MROH9: variants seen among roughly 807,000 people sequenced by gnomAD.
The protein encoded by MROH9 is maestro heat-like repeat-containing protein family member 9.
A neutral mutation model predicts 98.2 loss-of-function variants in MROH9; 92 were observed. The ratio of observed to expected loss-of-function variants is 0.94; its 90% confidence interval spans 0.79 to 1.11. The LOEUF (loss-of-function observed/expected upper bound fraction) is 1.11, where lower values mean the gene tolerates loss of function less well. MROH9 is among the 50% of genes most tolerant of loss of function. The pLI is 0.00. For synonymous variants in MROH9, 397 were observed against 368.9 expected (o/e 1.08, Z -0.87); for missense variants, 1,057 against 1,014.8 (o/e 1.04, Z -0.57).
rs759499575 is a variant in MROH9 at position 170,986,546 on chromosome 1, C to A, written c.730-15C>A. The stretch of plus-strand genomic sequence containing the variant: ...GAGTAAGGCCTGAGGTCATGATTAT[C>A]CTTTGTGGTTGCAGAGAGTAGGGCA... On this transcript the variant is annotated splice_polypyrimidine_tract_variant and intron_variant, in intron 9 of 21. Coordinates refer to ENST00000367759, the MANE Select transcript of MROH9 (RefSeq NM_001163629.2). The A allele has an allele frequency of 1.2e-6, 2 of 1,610,446 alleles. No individual in the cohort carries two copies. The highest frequency in any genetic ancestry group is 1.7e-6 in the Non-Finnish European group (2 of 1,178,138).
chr1:171,028,725 C>T (rs950722996), intron 20 of MROH9, among the ~76,000 whole-genome samples: 5 of 152,042 alleles, frequency 3.3e-5, no homozygotes, highest in African/African-American at 7.3e-5. Context: ...TGTAGTTCTC[C>T]TTAAAGAGGT....
intron 4 of MROH9, 54 bp from the exon 5 acceptor site, chr1:170,959,408 A>C: frequency 7.1e-7 from 1 of 1,408,678 alleles, no homozygotes; most frequent in South Asian, 1.4e-5. Context: ...AGCCCACTAA[A>C]TTTCTATTAT....
chr1:171,057,507 A>C (rs948069447), intron 20 of MROH9, among the ~76,000 whole-genome samples: 3 of 152,202 alleles, frequency 2.0e-5, no homozygotes, highest in Non-Finnish European at 2.9e-5. Flanking sequence ...TACCTGAAGG[A>C]GATGGGACGA....
intron 3 of MROH9, 126 bp downstream of exon 3, chr1:170,947,699 A>T (rs1384895796): frequency 1.3e-6 from 1 of 763,182 alleles, no homozygotes; most frequent in East Asian, 3.0e-5. Context: ...GAGAAAGGGG[A>T]AAAAAAGGCA....
chr1:171,052,449 A>G lies in MROH9; in HGVS notation c.2282-9683A>G, dbSNP rs539617486. Among the ~76,000 whole-genome samples, 3 of 152,226 alleles carry G rather than the reference A, an allele frequency of 2.0e-5. No individual in the cohort carries two copies. In the South Asian group the frequency reaches 6.2e-4, roughly 32 times the overall value. ...ACCTCCACTACCCTAAGTTCTCTCC[A>G]TGGGAAGGGAGAGGCAGCCTAAGCT... On this transcript the variant is annotated intron_variant, in intron 20 of 21. Transcript: ENST00000367759.
At position 171,024,535 on chromosome 1, in the gene MROH9, A is replaced by T. The variant is rs563722622; in HGVS notation, c.2049A>T (p.Lys683Asn). 2.5e-5 allele frequency: 38 copies of T among 1,533,390 alleles called. No individual in the cohort carries two copies. The Admixed American group carries it at 2.5e-4, about 10-fold the overall frequency. 95.0% of individuals were successfully genotyped at this position (1,533,390 alleles called of 1,614,324 possible). The change falls in exon 18 of 22, where the codon AAA (lysine) becomes AAT (asparagine). Residue 683 changes from lysine (K) to asparagine (N), a missense_variant. Coordinates refer to ENST00000367759, the MANE Select transcript of MROH9 (RefSeq NM_001163629.2). ...TCCTATTTTTGGAGGATGATGATAA[A>T]AGAGTAGCTGAAGTAAGTCATTTGA... ...PLILFLEDDD[K>N]RVAEACKYTL... is the part of the protein sequence containing the mutation.
chr1:171,056,489 C>T (rs1653841430), intron 20 of MROH9, among the ~76,000 whole-genome samples: 1 of 152,198 alleles, frequency 6.6e-6, no homozygotes, highest in Non-Finnish European at 1.5e-5. Context: ...ACCCAGATCT[C>T]CCTGGGCCTG....
chr1:171,010,636 G>A (rs548256025), intron 15 of MROH9, among the ~76,000 whole-genome samples: 3 of 152,188 alleles, frequency 2.0e-5, no homozygotes, highest in East Asian at 3.9e-4. Flanking sequence ...TCTAACTGGT[G>A]TGAGATGTTA....
intron 20 of MROH9, among the ~76,000 whole-genome samples, chr1:171,037,248 G>A (rs1224660684): frequency 6.6e-6 from 1 of 150,970 alleles, no homozygotes; most frequent in South Asian, 2.1e-4. Flanking sequence ...GAGGAATGAC[G>A]GAGGGAGAGA....
intron 20 of MROH9, among the ~76,000 whole-genome samples, chr1:171,055,389 G>A (rs776519038): frequency 6.6e-5 from 10 of 152,150 alleles, no homozygotes; most frequent in South Asian, 2.1e-4. Context: ...TTGGGAGGCC[G>A]TGGTGGGCAG....
At position 170,960,103 on chromosome 1, in the gene MROH9, T is replaced by C. The variant is rs551831522; in HGVS notation, c.288+506T>C. Among the ~76,000 whole-genome samples, 349 of 152,354 alleles carry C rather than the reference T, an allele frequency of 2.3e-3. 3 individuals are homozygous for C. Among genetic ancestry groups the C allele is most frequent in the African/African-American group, 7.9e-3 (330 of 41,600 alleles). ...ACACTCAGATGCAAAACTATCAGGC[T>C]AATTGTTTCTTTTTATAAGAGCTTC... On this transcript the variant is annotated intron_variant, in intron 5 of 21. Coordinates refer to ENST00000367759, the MANE Select transcript of MROH9 (RefSeq NM_001163629.2).
chr1:171,026,638 A>T (rs551976392), intron 20 of MROH9, among the ~76,000 whole-genome samples: 2 of 152,218 alleles, frequency 1.3e-5, no homozygotes, highest in South Asian at 2.1e-4. Flanking sequence ...GGAAGTTCCC[A>T]CAAATAAACC....
At chr1:170,971,923 A>T (rs1650476383) in intron 8 of MROH9, 40 bp downstream of exon 8, 1 of 1,602,704 alleles carries the variant, frequency 6.2e-7, no homozygotes, top group Non-Finnish European at 8.5e-7. Context: ...ATTACTAAGA[A>T]TATGTCCCTC....
chr1:171,026,949 A>G (rs1652733712), intron 20 of MROH9, among the ~76,000 whole-genome samples: 1 of 152,210 alleles, frequency 6.6e-6, no homozygotes, highest in African/African-American at 2.4e-5. Flanking sequence ...AAAAACGTAT[A>G]TCACCAAAAA....
At chr1:171,062,481 G>A (rs1654044180) in intron 21 of MROH9, among the ~76,000 whole-genome samples, 1 of 152,170 alleles carries the variant, frequency 6.6e-6, no homozygotes, top group African/African-American at 2.4e-5. Context: ...GGGAACTTCA[G>A]AAAGTTGAAA....
intron 20 of MROH9, among the ~76,000 whole-genome samples, chr1:171,061,806 A>G (rs549975203): frequency 6.6e-6 from 1 of 152,296 alleles, no homozygotes; most frequent in East Asian, 1.9e-4. Flanking sequence ...TATATTCTGA[A>G]AGGTGGAGGA....
At chr1:171,032,631 C>G (rs1164444576) in intron 20 of MROH9, among the ~76,000 whole-genome samples, 2 of 152,172 alleles carry the variant, frequency 1.3e-5, no homozygotes, top group African/African-American at 4.8e-5. Context: ...TGGAGAACAG[C>G]AAAGATGGGT....
intron 13 of MROH9, 21 bp from the exon 14 acceptor site, chr1:170,996,486 T>C: frequency 1.2e-6 from 2 of 1,609,920 alleles, no homozygotes; most frequent in East Asian, 2.2e-5. Context: ...GTGATGACTT[T>C]GCTCTCTTTT....
Position 170,998,197 on chromosome 1 carries a change from A to G in MROH9, c.1519A>G (p.Ser507Gly). Reference protein sequence around the residue: ...YNFPQFPETLSYLYKLSVEGP... With the variant: ...YNFPQFPETLGYLYKLSVEGP... Reference sequence around the variant, plus strand: ...CTTTCCACAGTTTCCGGAGACCCTGAGTTATCTCTATAAGCTCTCAGTAGA... The same window carrying G: ...CTTTCCACAGTTTCCGGAGACCCTGGGTTATCTCTATAAGCTCTCAGTAGA... The change falls in exon 15 of 22, where the codon AGT becomes GGT. Residue 507 changes from serine to glycine, a missense_variant. By Grantham distance (56) the Ser-to-Gly change is moderately conservative. Coordinates refer to ENST00000367759, the MANE Select transcript of MROH9 (RefSeq NM_001163629.2). 1 of 1,612,372 alleles carries G rather than the reference A, an allele frequency of 6.2e-7. No individual in the cohort carries two copies. Among genetic ancestry groups the G allele is most frequent in the Non-Finnish European group, 8.5e-7 (1 of 1,179,278 alleles).
Sources: gnomAD v4.1 joint callset for allele counts (sites outside exome capture counted in the v4.1 genomes callset) on GRCh38, gnomAD v4.1.1 for gene constraint, MANE v1.5 for transcripts, NCBI Gene and HGNC (gene_info 2026-07-23, HGNC 2026-07-21) for gene names.